Variants in GTF2I observed in about 807,000 individuals in gnomAD.
GTF2I encodes general transcription factor IIi.
In GTF2I, 12 loss-of-function variants were observed where a neutral mutation model predicts 67.6. The observed-to-expected ratio is 0.18, with a 90% confidence interval of 0.11 to 0.29. The LOEUF is 0.29. GTF2I is among the 10% of genes least tolerant of loss of function. GTF2I has a pLI of 1.00. For missense variants in GTF2I, 271 were observed against 580.1 expected (o/e 0.47, Z 5.47); for synonymous variants, 149 against 197.0 (o/e 0.76, Z 2.04).
intron 1 of GTF2I, among the ~76,000 whole-genome samples, chr7:74,679,939 G>A (rs1355491100): frequency 6.6e-6 from 1 of 151,146 alleles, no homozygotes; most frequent in Non-Finnish European, 1.5e-5. Flanking sequence ...AAATTATCTG[G>A]GTGGTGGCGG....
chr7:74,671,720 G>A (rs959085905), intron 1 of GTF2I, among the ~76,000 whole-genome samples: 2 of 152,020 alleles, frequency 1.3e-5, no homozygotes, highest in East Asian at 1.9e-4. Flanking sequence ...GGTGTCTCAC[G>A]CCTGTAATCT....
At chr7:74,711,822 T>C (rs1281675849) in intron 9 of GTF2I, among the ~76,000 whole-genome samples, 1 of 152,148 alleles carries the variant, frequency 6.6e-6, no homozygotes, top group African/African-American at 2.4e-5. Flanking sequence ...TATGCCTGAG[T>C]CAAAATTTAT....
intron 1 of GTF2I, among the ~76,000 whole-genome samples, chr7:74,662,796 ACAGGCGCCC>A (rs1804639723): frequency 6.6e-6 from 1 of 152,058 alleles, no homozygotes; most frequent in Non-Finnish European, 1.5e-5. Flanking sequence ...TGTTGGGCTT[ACAGGCGCCC>A]TGTGATTTTT....
At chr7:74,659,463 C>G (rs1804276472) in intron 1 of GTF2I, among the ~76,000 whole-genome samples, 1 of 149,442 alleles carries the variant, frequency 6.7e-6, no homozygotes, top group South Asian at 2.1e-4. Context: ...GATCTCGGCT[C>G]ACTGCAACCT....
chr7:74,709,657 T>C (rs1791253785), intron 8 of GTF2I, among the ~76,000 whole-genome samples: 1 of 152,010 alleles, frequency 6.6e-6, no homozygotes, highest in African/African-American at 2.4e-5. Flanking sequence ...GCTGTAATGC[T>C]GTGATTTTCT....
At chr7:74,718,183 C>T (rs1456276116) in intron 11 of GTF2I, among the ~76,000 whole-genome samples, 1 of 152,172 alleles carries the variant, frequency 6.6e-6, no homozygotes, top group African/African-American at 2.4e-5. Context: ...AAAGTTGAAT[C>T]GAATCTGGGT....
At position 74,714,897 on chromosome 7, in the gene GTF2I, C is replaced by G. The variant is rs1792068786; in HGVS notation, c.804C>G (p.Pro268=). Residue 268 remains proline, a synonymous_variant, in exon 10 of 35, where the codon CCC becomes CCG. Transcript: ENST00000573035. Reference sequence around the variant, plus strand: ...CTGATGATGTTGATGAAAAACAGCCCCTATCGAAGCCTTTGCAAGGTATAA... The same window carrying G: ...CTGATGATGTTGATGAAAAACAGCCGCTATCGAAGCCTTTGCAAGGTATAA... ...SETDDVDEKQ[P]LSKPLQGSHH... 1.2e-6 allele frequency: 2 copies of G among 1,605,222 alleles called. No homozygotes were observed. The highest frequency in any genetic ancestry group is 3.4e-5 in the Admixed American group (2 of 59,410).
chr7:74,665,115 T>C (rs781998070), intron 1 of GTF2I, among the ~76,000 whole-genome samples: 3 of 152,024 alleles, frequency 2.0e-5, no homozygotes, highest in Middle Eastern at 3.4e-3. Context: ...GCTAATTTTG[T>C]ATTTTTAGTA....
intron 12 of GTF2I, among the ~76,000 whole-genome samples, chr7:74,726,064 A>G (rs917013023): frequency 6.6e-6 from 1 of 152,088 alleles, no homozygotes; most frequent in East Asian, 1.9e-4. Context: ...CATTCCATCT[A>G]CAGCTGTGTT....
At chr7:74,673,329 C>T (rs146796217) in intron 1 of GTF2I, among the ~76,000 whole-genome samples, 10 of 152,234 alleles carry the variant, frequency 6.6e-5, no homozygotes, top group Non-Finnish European at 1.0e-4. Context: ...GGCAGCCAGA[C>T]AACTCCTGCT....
chr7:74,671,138 G>A (rs1554390507), intron 1 of GTF2I, among the ~76,000 whole-genome samples: 1 of 134,180 alleles, frequency 7.5e-6, no homozygotes, highest in South Asian at 2.4e-4. Flanking sequence ...CCAGGGTGGA[G>A]TGCAGTGGCG....
At chr7:74,681,928 A>T (rs1413279305) in intron 1 of GTF2I, among the ~76,000 whole-genome samples, 1 of 151,784 alleles carries the variant, frequency 6.6e-6, no homozygotes, top group Non-Finnish European at 1.5e-5. Context: ...AAAAAAAAGT[A>T]ATGGGAGGAT....
intron 12 of GTF2I, 107 bp downstream of exon 12, chr7:74,719,048 G>A: frequency 1.6e-6 from 1 of 618,636 alleles, no homozygotes. Context: ...AAGGAGACTT[G>A]TGGGACGAAT....
intron 6 of GTF2I, among the ~76,000 whole-genome samples, chr7:74,701,493 C>T (rs188661391): frequency 1.4e-4 from 21 of 151,656 alleles, no homozygotes; most frequent in South Asian, 4.2e-4. Context: ...TTTTTTGAGA[C>T]GGAGTCTTGC....
At chr7:74,707,682 A>G (rs1383649051) in intron 8 of GTF2I, among the ~76,000 whole-genome samples, 1 of 152,096 alleles carries the variant, frequency 6.6e-6, no homozygotes, top group Non-Finnish European at 1.5e-5. Flanking sequence ...AGGAAATCTC[A>G]AATTTTTGTG....
intron 3 of GTF2I, among the ~76,000 whole-genome samples, chr7:74,697,844 C>G (rs1171709484): frequency 6.6e-6 from 1 of 152,182 alleles, no homozygotes; most frequent in Non-Finnish European, 1.5e-5. Flanking sequence ...TCTTGGCTCA[C>G]TGCACCCTCC....
intron 1 of GTF2I, 162 bp from the exon 2 acceptor site, chr7:74,688,962 G>A (rs1787994269): frequency 1.8e-6 from 1 of 549,542 alleles, no homozygotes; most frequent in African/African-American, 1.9e-5. Flanking sequence ...TTTATCTTAT[G>A]AGGGTTTGGG....
chr7:74,695,194 G>A (rs1288208363), intron 3 of GTF2I, among the ~76,000 whole-genome samples: 4 of 152,046 alleles, frequency 2.6e-5, no homozygotes, highest in Non-Finnish European at 4.4e-5. Context: ...GCAATGGCGC[G>A]ATCTCAGCTC....
intron 12 of GTF2I, among the ~76,000 whole-genome samples, chr7:74,720,998 A>T (rs1299238548): frequency 1.3e-5 from 2 of 152,046 alleles, no homozygotes; most frequent in Non-Finnish European, 2.9e-5. Flanking sequence ...ACTGTTTTGG[A>T]TGGAGTAATA....
Sources: gnomAD v4.1 joint callset for allele counts (sites outside exome capture counted in the v4.1 genomes callset) on GRCh38, gnomAD v4.1.1 for gene constraint, MANE v1.5 for transcripts, NCBI Gene and HGNC (gene_info 2026-07-23, HGNC 2026-07-21) for gene names.